The following SGO2 variants were observed in gnomAD, a reference collection of about 807,000 sequenced individuals.
The protein encoded by SGO2 is shugoshin 2.
In SGO2, 68 loss-of-function variants were observed where a neutral mutation model predicts 99.5. That is an observed-to-expected ratio of 0.68 (90% confidence interval 0.56 to 0.84). SGO2 has a LOEUF of 0.84. SGO2 is among the 40% of genes least tolerant of loss of function. SGO2 has a pLI of 0.00. For missense variants in SGO2, 1,350 were observed against 1,436.7 expected, an observed-to-expected ratio of 0.94 and a Z score of 0.97; for synonymous variants, 457 against 487.1, an observed-to-expected ratio of 0.94 and a Z score of 0.81.
At chr2:200,561,508 G>T (rs552445059) in intron 5 of SGO2, among the ~76,000 whole-genome samples, 2 of 152,264 alleles carry the variant, frequency 1.3e-5, no homozygotes, top group East Asian at 3.9e-4. Context: ...GAATAGTGCT[G>T]CAATAAACAT....
chr2:200,537,545 C>T (rs1320143930), intron 4 of SGO2, among the ~76,000 whole-genome samples: 1 of 152,156 alleles, frequency 6.6e-6, no homozygotes, highest in East Asian at 1.9e-4. Context: ...TAGAATACCA[C>T]ACACTCCTAA....
At chr2:200,578,961 T>C (rs1208661223) in intron 8 of SGO2, among the ~76,000 whole-genome samples, 1 of 152,182 alleles carries the variant, frequency 6.6e-6, no homozygotes, top group Non-Finnish European at 1.5e-5. Flanking sequence ...TTCTCTTTTA[T>C]GGGAGGCTGT....
At position 200,570,788 on chromosome 2, in the gene SGO2, T is replaced by A. The variant is rs914157664; in HGVS notation, c.704-262T>A. ...ATGCTAATGGTTCTACTGTTGGCTGTACTCCACTCTACTGTTGGGGCTGAG... is the reference window on the plus strand; with the variant it reads ...ATGCTAATGGTTCTACTGTTGGCTGAACTCCACTCTACTGTTGGGGCTGAG... On this transcript the variant is annotated intron_variant, in intron 6 of 8. Transcript: ENST00000357799. This position sits in a 1 kb window ranked among gnomAD's most constrained non-coding sequence, Gnocchi z 4.4. 2.0e-4 allele frequency among the ~76,000 whole-genome samples: 30 copies of A among 152,072 alleles called. No individual in the cohort carries two copies. Among genetic ancestry groups the A allele is most frequent in the African/African-American group, 7.0e-4 (29 of 41,526 alleles).
Position 200,575,327 on chromosome 2 carries a change from G to A in SGO2, c.3648G>A (p.Gln1216=), listed in dbSNP as rs2033614622. ...CTTTTTCAGGTGATAGACCATTACA[G>A]GACTTGTCAAATACCAGTTTTGTTT... ...QKSGIGDRPL[Q]DLSNTSFVSN... is the part of the protein sequence containing the mutation. The change falls in exon 8 of 9, where the codon CAG becomes CAA. Residue 1216 remains glutamine, a synonymous_variant. Transcript: ENST00000357799. 2 of 1,598,274 alleles carry A rather than the reference G, an allele frequency of 1.3e-6. No homozygotes were observed. Among genetic ancestry groups the A allele is most frequent in the Admixed American group, 3.4e-5 (2 of 58,680 alleles).
Position 200,573,532 on chromosome 2 carries a change from A to T in SGO2, c.3186A>T (p.Ile1062=). Residue 1062 remains isoleucine (I), a synonymous_variant, in exon 7 of 9, where the codon ATA becomes ATT. Coordinates refer to ENST00000357799, the MANE Select transcript of SGO2 (RefSeq NM_152524.6). ...NKKDLPFVEE[I]KEGECQVKKV... is the part of the protein sequence containing the mutation. ...AAGATCTCCCTTTTGTGGAAGAAAT[A>T]AAAGAAGGAGAGTGTCAGGTTAAAA... is the stretch of plus-strand genomic sequence containing the variant. 3 of 1,610,996 alleles carry T rather than the reference A, an allele frequency of 1.9e-6. No individual in the cohort carries two copies. Among genetic ancestry groups the T allele is most frequent in the Non-Finnish European group, 2.5e-6 (3 of 1,178,930 alleles).
intron 3 of SGO2, among the ~76,000 whole-genome samples, 159 bp from the exon 4 acceptor site, chr2:200,535,906 A>G (rs2031667993): frequency 6.6e-6 from 1 of 152,106 alleles, no homozygotes; most frequent in Non-Finnish European, 1.5e-5. Flanking sequence ...GGTACTATAT[A>G]ATATACCATT....
chr2:200,583,684 A>G lies in SGO2; in HGVS notation c.*220A>G, dbSNP rs2033909312. 1 of 335,272 alleles carries G rather than the reference A, an allele frequency of 3.0e-6. No homozygotes were observed. Among genetic ancestry groups the G allele is most frequent in the Non-Finnish European group, 5.4e-6 (1 of 185,516 alleles). The allele number at this position is 335,272 out of a possible 1,614,324, so 20.8% of individuals were successfully genotyped here. ...TTAAACTTTTTGAGTCATTTTGGTCATCATATAACTTACCTTCCTGTTTAT... is the reference window on the plus strand; with the variant it reads ...TTAAACTTTTTGAGTCATTTTGGTCGTCATATAACTTACCTTCCTGTTTAT... On this transcript the variant is annotated 3_prime_UTR_variant, in exon 9 of 9. Transcript: ENST00000357799.
intron 5 of SGO2, among the ~76,000 whole-genome samples, chr2:200,557,245 T>G (rs774347494): frequency 6.6e-6 from 1 of 152,190 alleles, no homozygotes; most frequent in African/African-American, 2.4e-5. Context: ...CCCTCATAAG[T>G]TGGGCCTCAA....
chr2:200,574,118 C>T, intron 7 of SGO2, 141 bp downstream of exon 7: 1 of 544,284 alleles, frequency 1.8e-6, no homozygotes, highest in Non-Finnish European at 3.0e-6. Flanking sequence ...GTACATGATC[C>T]ATAGAAATAG....
Position 200,535,176 on chromosome 2 carries a change from G to A in SGO2, c.309+5G>A, listed in dbSNP as rs2031631824. On this transcript the variant is annotated splice_donor_5th_base_variant and intron_variant, in intron 3 of 8. Transcript: ENST00000357799. ...CGCCTAAAGCTAAATAACTTGGTAT[G>A]TAAGCTATATTGTTTTTGAATTCTA... 2.0e-6 allele frequency: 3 copies of A among 1,504,940 alleles called. No homozygotes were observed. In the East Asian group the frequency reaches 7.7e-5, roughly 39 times the overall value. 93.2% of individuals were successfully genotyped at this position (1,504,940 alleles called of 1,614,324 possible).
intron 8 of SGO2, among the ~76,000 whole-genome samples, chr2:200,577,718 C>CT (rs1409005191): frequency 1.3e-5 from 2 of 150,834 alleles, no homozygotes; most frequent in African/African-American, 4.9e-5. Flanking sequence ...TTGAAGACTA[C>CT]TGGTCAGTTT....
chr2:200,544,149 G>A (rs2032098027), intron 5 of SGO2, among the ~76,000 whole-genome samples: 1 of 152,174 alleles, frequency 6.6e-6, no homozygotes, highest in Non-Finnish European at 1.5e-5. Context: ...CCAGCATTAT[G>A]TTTGTTAGAT....
chr2:200,532,027 G>A (rs2031408108), intron 1 of SGO2: 1 of 152,188 alleles, frequency 6.6e-6, no homozygotes, highest in African/African-American at 2.4e-5. Flanking sequence ...GAATTAAAGG[G>A]ATCTAATAAC....
intron 1 of SGO2, 92 bp from the exon 2 acceptor site, chr2:200,532,882 T>TA: frequency 7.9e-7 from 1 of 1,271,358 alleles, no homozygotes; most frequent in South Asian, 1.4e-5. Flanking sequence ...CAAAGTATAT[T>TA]AAGTCATGAT....
At chr2:200,559,205 A>G (rs576904465) in intron 5 of SGO2, among the ~76,000 whole-genome samples, 28 of 152,328 alleles carry the variant, frequency 1.8e-4, no homozygotes, top group Admixed American at 1.3e-3. Flanking sequence ...CATTTCATCT[A>G]AAATTACTGG....
chr2:200,550,649 CTA>C (rs1291846584), intron 5 of SGO2, among the ~76,000 whole-genome samples: 2 of 152,098 alleles, frequency 1.3e-5, no homozygotes, highest in Non-Finnish European at 2.9e-5. Flanking sequence ...AAGAATGAAA[CTA>C]GACTCCTATC....
chr2:200,548,095 A>G (rs2032321370), intron 5 of SGO2, among the ~76,000 whole-genome samples: 1 of 149,652 alleles, frequency 6.7e-6, no homozygotes, highest in South Asian at 2.1e-4. Context: ...ATCCAGACAG[A>G]AAATCAACAA....
chr2:200,573,400 C>A lies in SGO2; in HGVS notation c.3054C>A (p.Ser1018=). ...QLTESSQTSI[S]LESDLKHITS... is the part of the protein sequence containing the mutation. ...CAGAATCTTCACAGACATCTATCTC[C>A]TTAGAATCTGATTTAAAACATATTA... Residue 1018 remains serine (S), a synonymous_variant, in exon 7 of 9, where the codon TCC becomes TCA. Coordinates refer to ENST00000357799, the MANE Select transcript of SGO2 (RefSeq NM_152524.6). 2 of 1,604,480 alleles carry A rather than the reference C, an allele frequency of 1.2e-6. No individual in the cohort carries two copies. Among genetic ancestry groups the A allele is most frequent in the Non-Finnish European group, 1.7e-6 (2 of 1,177,312 alleles).
chr2:200,577,252 GT>G (rs35005242), intron 8 of SGO2, among the ~76,000 whole-genome samples: 33,247 of 151,988 alleles, frequency 0.22, 3,860 homozygotes, highest in Middle Eastern at 0.3. Flanking sequence ...TTGCATGGTG[GT>G]TTTGATTTGC....
Sources: allele counts gnomAD v4.1 joint callset (sites outside exome capture counted in the v4.1 genomes callset), GRCh38; gene constraint gnomAD v4.1.1; non-coding constraint Gnocchi (gnomAD v3.1); transcripts MANE v1.5; gene names NCBI Gene and HGNC (gene_info 2026-07-23, HGNC 2026-07-21).